The following GOLGA5 variants were observed in gnomAD, a reference collection of about 807,000 sequenced individuals.
GOLGA5 encodes the protein golgin subfamily A member 5.
Under a neutral mutation model 93.5 loss-of-function variants are expected in GOLGA5, and 50 were observed. The observed-to-expected ratio is 0.53, with a 90% CI of 0.43 to 0.68. The LOEUF (loss-of-function observed/expected upper bound fraction) is 0.68, where lower values mean the gene tolerates loss of function less well. Ranked by LOEUF, GOLGA5 falls within the 30% of genes least tolerant of loss-of-function variation. The pLI is 0.00. For missense variants in GOLGA5, 760 were observed against 856.4 expected (o/e 0.89, Z 1.40); for synonymous variants, 312 against 304.5 (o/e 1.02, Z -0.26).
At chr14:92,825,300 A>G (rs916558880) in intron 9 of GOLGA5, among the ~76,000 whole-genome samples, 1 of 152,178 alleles carries the variant, frequency 6.6e-6, no homozygotes, top group East Asian at 1.9e-4. Flanking sequence ...TTGGTCTTTT[A>G]AGTTTCCAGA....
At chr14:92,810,485 C>A in intron 5 of GOLGA5, 108 bp downstream of exon 5, 1 of 756,384 alleles carries the variant, frequency 1.3e-6, no homozygotes, top group Non-Finnish European at 2.0e-6. Flanking sequence ...CAATGCATTT[C>A]AGAAAATTCT....
In GOLGA5 at chr14:92,806,935, A is replaced by T. The variant is rs771334225; in HGVS notation, c.744A>T (p.Leu248Phe). Reference sequence around the variant, plus strand: ...CTTTAAATCAAGAAATGGCCTCGTTACTCCAAAGATCCAAAGAGACTCAAG... The same window carrying T: ...CTTTAAATCAAGAAATGGCCTCGTTTCTCCAAAGATCCAAAGAGACTCAAG... ...VQSLNQEMASLLQRSKETQEE... is the reference protein window; with the variant it reads ...VQSLNQEMASFLQRSKETQEE... Residue 248 changes from leucine to phenylalanine, a missense_variant, in exon 3 of 13, where the codon TTA (leucine) becomes TTT (phenylalanine). Coordinates refer to ENST00000163416, the MANE Select transcript of GOLGA5 (RefSeq NM_005113.4). 6.2e-7 allele frequency: 1 copy of T among 1,607,638 alleles called. No individual in the cohort carries two copies. Among genetic ancestry groups the T allele is most frequent in the African/African-American group, 1.3e-5 (1 of 74,806 alleles).
At position 92,794,402 on chromosome 14, in the gene GOLGA5, G is replaced by C. The variant is rs916154575; in HGVS notation, c.-85G>C. On this transcript the variant is annotated 5_prime_UTR_variant, in exon 1 of 13. Transcript: ENST00000163416. ...GCCCCCTCCGGGCCAGCCGCCGAGG[G>C]GGCGCGGCCCAGGACGGCGGCTAGG... is the stretch of plus-strand genomic sequence containing the variant. 1.3e-5 allele frequency: 2 copies of C among 152,436 alleles called. No homozygotes were observed. Among genetic ancestry groups the C allele is most frequent in the African/African-American group, 2.4e-5 (1 of 41,590 alleles). 9.4% of individuals were successfully genotyped at this position (152,436 alleles called of 1,614,324 possible).
At chr14:92,821,654 CG>C (rs575181596) in intron 8 of GOLGA5, among the ~76,000 whole-genome samples, 66 of 152,200 alleles carry the variant, frequency 4.3e-4, no homozygotes, top group South Asian at 1.4e-3. Flanking sequence ...TCTTTAAAGA[CG>C]TTTTTCATTA....
At position 92,797,896 on chromosome 14, in the gene GOLGA5, T is replaced by C. The variant is rs202187684; in HGVS notation, c.459T>C (p.Ser153=). 1 of 1,613,086 alleles carries C rather than the reference T, an allele frequency of 6.2e-7. No individual in the cohort carries two copies. The highest frequency in any genetic ancestry group is 2.2e-5 in the East Asian group (1 of 44,888). ...EKGKTPVFQS[S]QTSSVSSVNP... The stretch of plus-strand genomic sequence containing the variant: ...GCAAGACACCTGTCTTTCAGAGCTC[T>C]CAGACATCAAGTGTCAGTTCTGTGA... The change falls in exon 2 of 13, where the codon TCT becomes TCC. Residue 153 remains serine, a synonymous_variant. Coordinates refer to ENST00000163416, the MANE Select transcript of GOLGA5 (RefSeq NM_005113.4).
chr14:92,794,637 G>A (rs971599557), intron 1 of GOLGA5, among the ~76,000 whole-genome samples, 181 bp downstream of exon 1: 2 of 152,318 alleles, frequency 1.3e-5, no homozygotes, highest in African/African-American at 4.8e-5. Flanking sequence ...AGCCGACGTC[G>A]TTTACTGCCC....
intron 3 of GOLGA5, among the ~76,000 whole-genome samples, chr14:92,807,416 A>G (rs541591410): frequency 5.3e-4 from 80 of 152,376 alleles, no homozygotes; most frequent in African/African-American, 1.7e-3. Context: ...TGATATTTTC[A>G]TAGAAAAACT....
intron 2 of GOLGA5, among the ~76,000 whole-genome samples, chr14:92,801,377 C>T (rs886444652): frequency 6.6e-6 from 1 of 152,022 alleles, no homozygotes; most frequent in Admixed American, 6.6e-5. Context: ...ATATTATTTC[C>T]TTCATTACTA....
chr14:92,795,199 A>G (rs1334524293), intron 1 of GOLGA5, among the ~76,000 whole-genome samples: 2 of 152,072 alleles, frequency 1.3e-5, no homozygotes, highest in African/African-American at 2.4e-5. Flanking sequence ...TCGGCCTCCC[A>G]GTGTGTTGGG....
chr14:92,826,157 AAAAG>A (rs1885417189), intron 9 of GOLGA5, among the ~76,000 whole-genome samples: 1 of 152,154 alleles, frequency 6.6e-6, no homozygotes, highest in South Asian at 2.1e-4. Flanking sequence ...TTGTTTCTTA[AAAAG>A]AAAGAATTAA....
chr14:92,799,589 T>C (rs182865796), intron 2 of GOLGA5, among the ~76,000 whole-genome samples: 1 of 150,894 alleles, frequency 6.6e-6, no homozygotes, highest in Non-Finnish European at 1.5e-5. Context: ...TGGCCTTTTT[T>C]AATGTTTTTA....
chr14:92,799,945 T>C (rs2140311944), intron 2 of GOLGA5, among the ~76,000 whole-genome samples: 1 of 152,330 alleles, frequency 6.6e-6, no homozygotes, highest in East Asian at 1.9e-4. Flanking sequence ...TGGGAGATTG[T>C]CATGTTCTTG....
At chr14:92,824,352 C>T (rs1032155578) in intron 8 of GOLGA5, among the ~76,000 whole-genome samples, 194 bp from the exon 9 acceptor site, 1 of 152,170 alleles carries the variant, frequency 6.6e-6, no homozygotes, top group African/African-American at 2.4e-5. Context: ...GCCAGCTTTT[C>T]ATCAGACCCA....
rs150085235 is a variant in GOLGA5 at position 92,804,570 on chromosome 14, A to G, written c.545-2166A>G. ...TCACAGATCTTATATCATTTTTTCT[A>G]TAAACATTTCATTTTCTTACTCTAA... On this transcript the variant is annotated intron_variant, in intron 2 of 12. Coordinates refer to ENST00000163416, the MANE Select transcript of GOLGA5 (RefSeq NM_005113.4). 3.2e-3 allele frequency among the ~76,000 whole-genome samples: 486 copies of G among 152,080 alleles called. 1 individual carries two copies. Among genetic ancestry groups the G allele is most frequent in the Middle Eastern group, 0.014 (4 of 294 alleles).
chr14:92,817,004 C>T (rs925417122), intron 7 of GOLGA5, among the ~76,000 whole-genome samples: 1 of 151,508 alleles, frequency 6.6e-6, no homozygotes, highest in Non-Finnish European at 1.5e-5. Flanking sequence ...GGCGTGATCT[C>T]GGCTCACTGC....
intron 9 of GOLGA5, 100 bp downstream of exon 9, chr14:92,824,744 G>A: frequency 1.6e-6 from 1 of 640,914 alleles, no homozygotes; most frequent in Non-Finnish European, 2.8e-6. Flanking sequence ...TTTCACCTGA[G>A]TTCTTTTGTA....
At chr14:92,816,446 A>G in intron 7 of GOLGA5, 25 bp downstream of exon 7, 1 of 1,596,626 alleles carries the variant, frequency 6.3e-7, no homozygotes, top group Non-Finnish European at 8.6e-7. Context: ...GGTTCAGCTT[A>G]GTAGACACCA....
At chr14:92,808,544 A>G (rs114687253) in intron 3 of GOLGA5, among the ~76,000 whole-genome samples, 2,151 of 151,802 alleles carry the variant, frequency 0.014, 58 homozygotes, top group African/African-American at 0.049. Context: ...TACTTTGGAG[A>G]CTGAGGTGGG....
intron 5 of GOLGA5, among the ~76,000 whole-genome samples, chr14:92,810,920 G>C (rs115685721): frequency 1.7e-3 from 262 of 152,314 alleles, no homozygotes; most frequent in African/African-American, 6.0e-3. Flanking sequence ...GGTTTTAGAA[G>C]GTTCACAGGT....
Sources: gnomAD v4.1 joint callset for allele counts (sites outside exome capture counted in the v4.1 genomes callset) on GRCh38, gnomAD v4.1.1 for gene constraint, MANE v1.5 for transcripts, NCBI Gene and HGNC (gene_info 2026-07-23, HGNC 2026-07-21) for gene names.